The following FHAD1 variants were observed in gnomAD, a reference collection of about 807,000 sequenced individuals.
FHAD1 encodes the protein forkhead-associated domain-containing protein 1.
In FHAD1, 146 loss-of-function variants were observed where a neutral mutation model predicts 191.3. That is an observed-to-expected ratio of 0.76 (90% CI 0.67 to 0.88). The LOEUF (loss-of-function observed/expected upper bound fraction) is 0.88, where lower values mean the gene tolerates loss of function less well. Ranked by LOEUF, FHAD1 falls within the 40% of genes least tolerant of loss-of-function variation. The pLI is 0.00. For synonymous variants in FHAD1, 616 were observed against 672.3 expected (o/e 0.92, Z 1.29); for missense variants, 1,635 against 1,785.8 (o/e 0.92, Z 1.52).
At chr1:15,346,032 C>T (rs563351962) in intron 18 of FHAD1, among the ~76,000 whole-genome samples, 2 of 152,256 alleles carry the variant, frequency 1.3e-5, no homozygotes, top group South Asian at 4.1e-4. Flanking sequence ...AGTATCAGTC[C>T]TCCGCCCTCC....
chr1:15,341,661 G>T, intron 15 of FHAD1, 75 bp from the exon 16 acceptor site: 2 of 1,293,608 alleles, frequency 1.5e-6, no homozygotes, highest in African/African-American at 1.5e-5. Flanking sequence ...GTAAACAATT[G>T]GTAAACAAAT....
rs1464616002 is a variant in FHAD1 at position 15,345,480 on chromosome 1, CAA to C, written c.2304_2305del (p.Arg769SerfsTer22). 6.4e-7 allele frequency: 1 copy of C among 1,552,078 alleles called. No individual in the cohort carries two copies. The highest frequency in any genetic ancestry group is 1.4e-5 in the African/African-American group (1 of 73,034). On this transcript the variant is annotated frameshift_variant, in exon 18 of 34. Coordinates refer to ENST00000688493, the MANE Select transcript of FHAD1 (RefSeq NM_001391957.1). LOFTEE classifies it high-confidence loss of function. Reference sequence around the variant, plus strand: ...AAGGAAGCATTAGAGGAAGAGCAGACAAGAGTCCAAGAGCTGGAGGAACGCTT... The same window carrying C: ...AAGGAAGCATTAGAGGAAGAGCAGACGAGTCCAAGAGCTGGAGGAACGCTT...
chr1:15,237,413 C>G (rs1023807482), intron 1 of FHAD1, among the ~76,000 whole-genome samples: 6 of 152,150 alleles, frequency 3.9e-5, no homozygotes, highest in African/African-American at 7.2e-5. Context: ...TCTCTTCCTT[C>G]TCTCCCTCCT....
intron 18 of FHAD1, among the ~76,000 whole-genome samples, chr1:15,346,814 G>A (rs1042247609): frequency 2.0e-5 from 3 of 152,222 alleles, no homozygotes; most frequent in African/African-American, 4.8e-5. Flanking sequence ...CTTCCTGGCT[G>A]CAGCAGACCT....
rs1245699728 is a variant in FHAD1 at position 15,398,117 on chromosome 1, ACT to A, written c.*707_*708del. The A allele has an allele frequency of 6.8e-6, 1 of 146,036 alleles. No homozygotes were observed. The highest frequency in any genetic ancestry group is 1.5e-5 in the Non-Finnish European group (1 of 66,892). 9.0% of individuals were successfully genotyped at this position (146,036 alleles called of 1,614,324 possible). ...TTGCACGCCAGCCTAACAGAGTGAG[ACT>A]CTGTCTTTAAAAAAAAAAAAAAATG... On this transcript the variant is annotated 3_prime_UTR_variant, in exon 34 of 34. Transcript: ENST00000688493.
In FHAD1 at chr1:15,325,829, T is replaced by G. The variant is rs1018845661; in HGVS notation, c.1474-1230T>G. 6.5e-6 allele frequency: 1 copy of G among 152,674 alleles called. No individual in the cohort carries two copies. Among genetic ancestry groups the G allele is most frequent in the Non-Finnish European group, 1.5e-5 (1 of 68,420 alleles). The allele number at this position is 152,674 out of a possible 1,614,324, so 9.5% of individuals were successfully genotyped here. ...TCTCTCTGCCTCCCAGTGCCTTCCC[T>G]CTCCTGTATCTCCAAGGCCCTGCTC... On this transcript the variant is annotated intron_variant, in intron 11 of 33. Coordinates refer to ENST00000688493, the MANE Select transcript of FHAD1 (RefSeq NM_001391957.1). The surrounding 1 kb of genome is among the most constrained non-coding windows in gnomAD (Gnocchi z 4.6).
intron 3 of FHAD1, chr1:15,287,292 G>C (rs1424173742): frequency 1.3e-5 from 2 of 152,242 alleles, no homozygotes; most frequent in Non-Finnish European, 2.9e-5. Flanking sequence ...TGAATGCCTG[G>C]CCAGGTGTCC....
At chr1:15,274,076 C>A (rs962504620) in intron 3 of FHAD1, among the ~76,000 whole-genome samples, 1 of 152,196 alleles carries the variant, frequency 6.6e-6, no homozygotes, top group African/African-American at 2.4e-5. Context: ...TCAGACTGTC[C>A]TTCCTTTTGA....
At chr1:15,256,338 A>G (rs1648040403) in intron 2 of FHAD1, among the ~76,000 whole-genome samples, 1 of 152,064 alleles carries the variant, frequency 6.6e-6, no homozygotes. Flanking sequence ...GGTTCAGGTG[A>G]GGGTCCCCAC....
At chr1:15,374,071 T>A (rs185852901) in intron 26 of FHAD1, among the ~76,000 whole-genome samples, 1 of 152,268 alleles carries the variant, frequency 6.6e-6, no homozygotes, top group Non-Finnish European at 1.5e-5. Context: ...AGCCAATCTA[T>A]CAAATCCCCC....
At chr1:15,269,768 A>C (rs1001743457) in intron 2 of FHAD1, among the ~76,000 whole-genome samples, 1 of 152,142 alleles carries the variant, frequency 6.6e-6, no homozygotes, top group African/African-American at 2.4e-5. Flanking sequence ...TGGAAGTTTC[A>C]GCTGTCATAT....
At chr1:15,380,918 G>T in intron 29 of FHAD1, 122 bp downstream of exon 29, 1 of 714,670 alleles carries the variant, frequency 1.4e-6, no homozygotes, top group Non-Finnish European at 2.3e-6. Context: ...TAATAACTCT[G>T]CAGGACCTAC....
rs1028919775 is a variant in FHAD1, at chr1:15,350,302, A to T, written c.2454+1153A>T. ...CGGAAGCAGGGGCGGCTCCAGGGCC[A>T]CAAGACCAAAGCTGAGAAGCAGGCT... On this transcript the variant is annotated intron_variant, in intron 19 of 33. Coordinates refer to ENST00000688493, the MANE Select transcript of FHAD1 (RefSeq NM_001391957.1). Among the ~76,000 whole-genome samples, 6 of 152,220 alleles carry T rather than the reference A, an allele frequency of 3.9e-5. No homozygotes were observed. In the East Asian group the frequency reaches 1.2e-3, roughly 29 times the overall value.
At chr1:15,298,084 T>G (rs1009251402) in intron 5 of FHAD1, among the ~76,000 whole-genome samples, 1 of 152,168 alleles carries the variant, frequency 6.6e-6, no homozygotes, top group East Asian at 1.9e-4. Flanking sequence ...CACATGCCTG[T>G]TAATAGCAGC....
intron 27 of FHAD1, among the ~76,000 whole-genome samples, chr1:15,374,848 G>GTTTTTTTGTT (rs1699108952): frequency 1.9e-5 from 2 of 107,654 alleles, no homozygotes; most frequent in African/African-American, 1.1e-4. Flanking sequence ...ACTATTGTAC[G>GTTTTTTTGTT]TTTTTTTTTT....
At chr1:15,386,026 G>A (rs1297351676) in intron 31 of FHAD1, among the ~76,000 whole-genome samples, 1 of 152,190 alleles carries the variant, frequency 6.6e-6, no homozygotes, top group African/African-American at 2.4e-5. Context: ...GAGTTTCTCC[G>A]AGATAAGAGG....
intron 32 of FHAD1, among the ~76,000 whole-genome samples, chr1:15,388,984 C>G (rs1703082240): frequency 6.6e-6 from 1 of 152,138 alleles, no homozygotes; most frequent in Non-Finnish European, 1.5e-5. Flanking sequence ...GCTCTGCTCT[C>G]CAGTGCTCAG....
intron 23 of FHAD1, among the ~76,000 whole-genome samples, chr1:15,363,462 C>T (rs1414007797): frequency 6.6e-6 from 1 of 152,212 alleles, no homozygotes; most frequent in East Asian, 1.9e-4. Context: ...CTGTGTGACC[C>T]TGGGCAAGTC....
intron 8 of FHAD1, among the ~76,000 whole-genome samples, chr1:15,314,277 T>C (rs1434388164): frequency 6.6e-6 from 1 of 152,084 alleles, no homozygotes; most frequent in Non-Finnish European, 1.5e-5. Flanking sequence ...AGGGTGGATC[T>C]GGGGGTCCAA....
Sources: gnomAD v4.1 joint callset for allele counts (sites outside exome capture counted in the v4.1 genomes callset) on GRCh38, gnomAD v4.1.1 for gene constraint, Gnocchi (gnomAD v3.1) non-coding constraint, MANE v1.5 for transcripts, NCBI Gene and HGNC (gene_info 2026-07-23, HGNC 2026-07-21) for gene names.